MGLL: variants seen among roughly 807,000 people sequenced by gnomAD.
The protein encoded by MGLL is monoglyceride lipase, also known as lysophospholipase homolog.
In MGLL, 7 loss-of-function variants were observed where a neutral mutation model predicts 29.1. The ratio of observed to expected loss-of-function variants is 0.24; its 90% confidence interval spans 0.14 to 0.45. MGLL has a LOEUF of 0.45. Ranked by LOEUF, MGLL falls within the 20% of genes least tolerant of loss-of-function variation. MGLL has a pLI of 0.99. For missense variants in MGLL, 356 were observed against 413.6 expected, an observed-to-expected ratio of 0.86 and a Z score of 1.21; for synonymous variants, 148 against 168.3, an observed-to-expected ratio of 0.88 and a Z score of 0.93.
intron 6 of MGLL, among the ~76,000 whole-genome samples, chr3:127,701,806 C>T (rs552764197): frequency 1.3e-5 from 2 of 152,330 alleles, no homozygotes; most frequent in African/African-American, 4.8e-5. Flanking sequence ...CCGATATCTC[C>T]GTTTCCACCA....
intron 2 of MGLL, among the ~76,000 whole-genome samples, chr3:127,800,617 C>T (rs900613883): frequency 7.2e-5 from 11 of 152,214 alleles, no homozygotes; most frequent in African/African-American, 1.7e-4. Context: ...CCAGGCTACC[C>T]GTGCATTAGT....
chr3:127,755,208 C>T (rs1322325480), intron 3 of MGLL, among the ~76,000 whole-genome samples: 3 of 152,162 alleles, frequency 2.0e-5, no homozygotes, highest in Admixed American at 6.5e-5. Flanking sequence ...TTTCACTTCT[C>T]ATTAGCCACT....
chr3:127,817,605 A>G (rs2077779983), intron 2 of MGLL, among the ~76,000 whole-genome samples: 1 of 152,188 alleles, frequency 6.6e-6, no homozygotes, highest in Non-Finnish European at 1.5e-5. Flanking sequence ...CAGGGGTCAG[A>G]GTTGTACAAT....
At chr3:127,736,385 G>C (rs1028503713) in intron 3 of MGLL, 19 of 980,852 alleles carry the variant, frequency 1.9e-5, no homozygotes, top group Non-Finnish European at 2.3e-5. Flanking sequence ...GCAGGAGTTG[G>C]GTCAGCGAAA....
At chr3:127,747,868 A>G (rs2076478166) in intron 3 of MGLL, among the ~76,000 whole-genome samples, 1 of 152,184 alleles carries the variant, frequency 6.6e-6, no homozygotes. Flanking sequence ...CTGAGCCTGC[A>G]CAAACAAGTG....
chr3:127,808,087 G>A (rs905361976), intron 2 of MGLL, among the ~76,000 whole-genome samples: 9 of 152,094 alleles, frequency 5.9e-5, no homozygotes, highest in African/African-American at 2.2e-4. Flanking sequence ...CTGCTCCAGA[G>A]TCTAGCTTTC....
chr3:127,690,258 G>C lies in MGLL; in HGVS notation c.*1940C>G, dbSNP rs938401402. ...TAAGCAGGCGGGGCTGGCTTTCTCA[G>C]TGCATATTTTACATTTTTCTCCTTC... On this transcript the variant is annotated 3_prime_UTR_variant, in exon 8 of 8. Coordinates refer to ENST00000265052, the MANE Select transcript of MGLL (RefSeq NM_007283.7). 6.6e-6 allele frequency: 1 copy of C among 152,170 alleles called. No homozygotes were observed. Among genetic ancestry groups the C allele is most frequent in the Non-Finnish European group, 1.5e-5 (1 of 68,038 alleles). The allele number at this position is 152,170 out of a possible 1,614,324, so 9.4% of individuals were successfully genotyped here. A position where few individuals can be genotyped will look rare whatever the true frequency, so the allele number is the denominator to read the frequency against.
At chr3:127,792,644 G>A (rs138787268) in intron 2 of MGLL, among the ~76,000 whole-genome samples, 2,677 of 151,962 alleles carry the variant, frequency 0.018, 82 homozygotes, top group African/African-American at 0.061. Context: ...CGGAGGTTGC[G>A]ATGAGACGAG....
At chr3:127,779,210 T>C (rs1023187959) in intron 3 of MGLL, among the ~76,000 whole-genome samples, 7 of 151,950 alleles carry the variant, frequency 4.6e-5, no homozygotes, top group Admixed American at 1.3e-4. Context: ...CTACCAAAAA[T>C]ACAAAAATTA....
intron 3 of MGLL, among the ~76,000 whole-genome samples, chr3:127,740,651 G>A (rs550705512): frequency 5.3e-5 from 8 of 152,254 alleles, no homozygotes; most frequent in African/African-American, 7.2e-5. Flanking sequence ...TCTGAGTCAC[G>A]TAAACTTCAG....
At chr3:127,795,127 G>A (rs1160995844) in intron 2 of MGLL, among the ~76,000 whole-genome samples, 1 of 152,162 alleles carries the variant, frequency 6.6e-6, no homozygotes, top group African/African-American at 2.4e-5. Flanking sequence ...ATCAACCTAG[G>A]TGCCCATCAA....
chr3:127,778,655 T>C (rs2077074740), intron 3 of MGLL, among the ~76,000 whole-genome samples: 1 of 152,210 alleles, frequency 6.6e-6, no homozygotes, highest in South Asian at 2.1e-4. Flanking sequence ...GGAGGTGCCA[T>C]GGGCCCTGCA....
At position 127,822,443 on chromosome 3, in the gene MGLL, C is replaced by A; in HGVS notation, c.-125G>T. ...AAGGCAGCTCCGAGCCCTCTTCCCG[C>A]ACCCAGACCCTGCCTTTCGGGCTGG... On this transcript the variant is annotated 5_prime_UTR_variant, in exon 1 of 8. Coordinates refer to ENST00000265052, the MANE Select transcript of MGLL (RefSeq NM_007283.7). 1 of 980,388 alleles carries A rather than the reference C, an allele frequency of 1.0e-6. No individual in the cohort carries two copies. The highest frequency in any genetic ancestry group is 1.6e-6 in the Non-Finnish European group (1 of 625,046). The allele number at this position is 980,388 out of a possible 1,614,324, so 60.7% of individuals were successfully genotyped here.
chr3:127,792,052 A>G (rs1475426342), intron 2 of MGLL, among the ~76,000 whole-genome samples: 1 of 152,176 alleles, frequency 6.6e-6, no homozygotes, highest in Non-Finnish European at 1.5e-5. Flanking sequence ...TGGGCGACAG[A>G]GCGAGACTCT....
intron 6 of MGLL, among the ~76,000 whole-genome samples, chr3:127,695,891 G>C (rs1297988503): frequency 6.6e-6 from 1 of 152,246 alleles, no homozygotes; most frequent in Non-Finnish European, 1.5e-5. Context: ...TGTCTCTGCT[G>C]ATTTGGTGTC....
chr3:127,812,554 C>G lies in MGLL; in HGVS notation c.155+9140G>C, dbSNP rs2077681843. On this transcript the variant is annotated intron_variant, in intron 2 of 7. Transcript: ENST00000265052. ...CAGTCAGGCTGGAATCTGTCAAAAG[C>G]ATGATTGCTTTCATACTGGGTCCTC... 5.3e-5 allele frequency among the ~76,000 whole-genome samples: 8 copies of G among 152,246 alleles called. No homozygotes were observed. In the South Asian group the frequency reaches 1.7e-3, roughly 32 times the overall value.
chr3:127,726,920 A>G (rs2076057252), intron 3 of MGLL, among the ~76,000 whole-genome samples: 1 of 152,218 alleles, frequency 6.6e-6, no homozygotes, highest in Non-Finnish European at 1.5e-5. Context: ...ATAGCTCCCT[A>G]ATATCATCTA....
chr3:127,696,330 G>T (rs1253225736), intron 6 of MGLL, among the ~76,000 whole-genome samples: 3 of 149,498 alleles, frequency 2.0e-5, no homozygotes, highest in African/African-American at 4.9e-5. Flanking sequence ...CTGCCCTACA[G>T]GATCGGGGAG....
chr3:127,800,559 C>A (rs1383616567), intron 2 of MGLL, among the ~76,000 whole-genome samples: 1 of 152,194 alleles, frequency 6.6e-6, no homozygotes, highest in Non-Finnish European at 1.5e-5. Flanking sequence ...GTTATGGCTA[C>A]TGTTATAATC....
Sources: gnomAD v4.1 joint callset for allele counts (sites outside exome capture counted in the v4.1 genomes callset) on GRCh38, gnomAD v4.1.1 for gene constraint, MANE v1.5 for transcripts, NCBI Gene and HGNC (gene_info 2026-07-23, HGNC 2026-07-21) for gene names.